LINGO2: variants seen among roughly 807,000 people sequenced by gnomAD.
LINGO2 encodes leucine-rich repeat and immunoglobulin-like domain-containing nogo receptor-interacting protein 2.
LINGO2 carries 14 observed loss-of-function variants against 30.6 expected under a neutral mutation model. The observed-to-expected ratio is 0.46, with a 90% CI of 0.30 to 0.72. The LOEUF (loss-of-function observed/expected upper bound fraction) is 0.72, where lower values mean the gene tolerates loss of function less well. Ranked by LOEUF, LINGO2 falls within the 30% of genes least tolerant of loss-of-function variation. LINGO2 has a pLI of 0.07. For missense variants in LINGO2, 729 were observed against 751.7 expected (o/e 0.97, Z 0.35); for synonymous variants, 317 against 288.5 (o/e 1.10, Z -1.00).
chr9:27,954,328 C>G (rs1231058895), intron 5 of LINGO2, among the ~76,000 whole-genome samples: 1 of 152,144 alleles, frequency 6.6e-6, no homozygotes. Context: ...TAACAAACCT[C>G]TCTTCATCTC....
the LINGO2 span, among the ~76,000 whole-genome samples, chr9:28,779,852 A>T: frequency 5.3e-5 from 8 of 152,212 alleles, no homozygotes; most frequent in South Asian, 1.5e-3. Context: ...CATGTTATAG[A>T]ACCATTGCTC....
chr9:28,615,154 G>A (rs1056772878), intron 1 of LINGO2, among the ~76,000 whole-genome samples: 5 of 152,064 alleles, frequency 3.3e-5, no homozygotes, highest in South Asian at 2.1e-4. Context: ...TCTGCCATAC[G>A]AGAATGTGTA....
intron 2 of LINGO2, among the ~76,000 whole-genome samples, chr9:28,435,374 G>A (rs1823882833): frequency 6.6e-6 from 1 of 152,086 alleles, no homozygotes; most frequent in Admixed American, 6.6e-5. Context: ...GTAAGAAGAA[G>A]GGTTATTGTG....
intron 2 of LINGO2, among the ~76,000 whole-genome samples, chr9:28,437,565 AC>A (rs1587673848): frequency 6.7e-6 from 1 of 149,072 alleles, no homozygotes; most frequent in East Asian, 1.9e-4. Flanking sequence ...ACACACACAC[AC>A]ACACACACAC....
the LINGO2 span, among the ~76,000 whole-genome samples, chr9:29,052,125 T>C: frequency 6.6e-6 from 1 of 152,124 alleles, no homozygotes; most frequent in Admixed American, 6.6e-5. Context: ...CATAAATAAA[T>C]AACAATAGAA....
At chr9:28,602,033 T>G (rs867582976) in intron 1 of LINGO2, among the ~76,000 whole-genome samples, 7 of 152,142 alleles carry the variant, frequency 4.6e-5, no homozygotes, top group Middle Eastern at 3.4e-3. Context: ...TTGACTAATT[T>G]ATCAAAGAAG....
chr9:28,586,649 C>G (rs952054515), intron 1 of LINGO2, among the ~76,000 whole-genome samples: 2 of 151,922 alleles, frequency 1.3e-5, no homozygotes. Context: ...TAGCCAAGTG[C>G]TGCTCTGTCT....
the LINGO2 span, among the ~76,000 whole-genome samples, chr9:28,710,935 G>A: frequency 6.6e-6 from 1 of 151,370 alleles, no homozygotes; most frequent in Non-Finnish European, 1.5e-5. Flanking sequence ...ATATGGTAAT[G>A]GTGATTCTGG....
At chr9:28,991,093 AG>A in the LINGO2 span, among the ~76,000 whole-genome samples, 1 of 152,160 alleles carries the variant, frequency 6.6e-6, no homozygotes, top group Non-Finnish European at 1.5e-5. Context: ...TTCAAACCAA[AG>A]GCAAAGAAGT....
At chr9:28,338,072 G>A (rs1370456482) in intron 3 of LINGO2, among the ~76,000 whole-genome samples, 2 of 152,184 alleles carry the variant, frequency 1.3e-5, no homozygotes, top group African/African-American at 2.4e-5. Context: ...GCCAGCCTAT[G>A]AAAGAACCGA....
chr9:28,710,164 A>G, the LINGO2 span, among the ~76,000 whole-genome samples: 1 of 151,616 alleles, frequency 6.6e-6, no homozygotes, highest in Non-Finnish European at 1.5e-5. Context: ...GACCCTCATG[A>G]GTGAAATTAG....
intron 1 of LINGO2, among the ~76,000 whole-genome samples, chr9:28,657,215 AT>A (rs34438217): frequency 6.6e-6 from 1 of 152,126 alleles, no homozygotes; most frequent in Admixed American, 6.6e-5. Flanking sequence ...CATTTTAGCC[AT>A]TTTTAAGTGT....
chr9:28,680,653 T>G, the LINGO2 span, among the ~76,000 whole-genome samples: 1 of 152,144 alleles, frequency 6.6e-6, no homozygotes, highest in South Asian at 2.1e-4. Flanking sequence ...TCAGGTGTTA[T>G]CTTTTTATTT....
chr9:28,013,140 T>C (rs543397534), intron 4 of LINGO2, among the ~76,000 whole-genome samples: 1 of 152,336 alleles, frequency 6.6e-6, no homozygotes, highest in South Asian at 2.1e-4. Flanking sequence ...TTCTGAGCAC[T>C]GGGTCTCTAG....
intron 4 of LINGO2, among the ~76,000 whole-genome samples, chr9:28,290,279 A>T (rs1044166377): frequency 6.6e-6 from 1 of 152,162 alleles, no homozygotes; most frequent in African/African-American, 2.4e-5. Context: ...TATTGGTCTT[A>T]CTGGATACTT....
chr9:28,126,716 T>C (rs764903338), intron 4 of LINGO2, among the ~76,000 whole-genome samples: 25 of 152,184 alleles, frequency 1.6e-4, no homozygotes, highest in Non-Finnish European at 3.2e-4. Flanking sequence ...ACACAACAAA[T>C]AAATATCAAC....
At chr9:28,549,003 A>G (rs989320152) in intron 1 of LINGO2, among the ~76,000 whole-genome samples, 2 of 152,084 alleles carry the variant, frequency 1.3e-5, no homozygotes, top group Non-Finnish European at 2.9e-5. Flanking sequence ...CATATTTTAT[A>G]CTGCAAAACA....
chr9:28,583,744 T>G (rs1824385412), intron 1 of LINGO2, among the ~76,000 whole-genome samples: 1 of 152,076 alleles, frequency 6.6e-6, no homozygotes, highest in Non-Finnish European at 1.5e-5. Context: ...TCTGCCCATA[T>G]TCTACATAAT....
At position 28,216,464 on chromosome 9, in the gene LINGO2, T is replaced by C. The variant is rs117223110; in HGVS notation, c.-87+78744A>G. 2.9e-3 allele frequency among the ~76,000 whole-genome samples: 437 copies of C among 152,052 alleles called. 11 individuals are homozygous for C. In the South Asian group the frequency reaches 0.052, roughly 18 times the overall value. Reference sequence around the variant, plus strand: ...GAATGTGTAGCATAACTCACTTATATATCCATCTCTACAGAAAGAGCAATT... The same window carrying C: ...GAATGTGTAGCATAACTCACTTATACATCCATCTCTACAGAAAGAGCAATT... On this transcript the variant is annotated intron_variant, in intron 4 of 5. Transcript: ENST00000379992.
Sources: gnomAD v4.1 joint callset for allele counts (sites outside exome capture counted in the v4.1 genomes callset) on GRCh38, gnomAD v4.1.1 for gene constraint, MANE v1.5 for transcripts, NCBI Gene and HGNC (gene_info 2026-07-23, HGNC 2026-07-21) for gene names.